Variants in CRLF3 observed in about 807,000 individuals in gnomAD.
CRLF3 encodes cytokine receptor-like factor 3.
In CRLF3, 33 loss-of-function variants were observed where a neutral mutation model predicts 55.0. That is an observed-to-expected ratio of 0.60 (90% CI 0.46 to 0.80). The LOEUF (loss-of-function observed/expected upper bound fraction) is 0.80. CRLF3 is among the 30% of genes least tolerant of loss of function. The pLI, the probability that CRLF3 is intolerant of heterozygous loss-of-function variation, is 0.00. For missense variants in CRLF3, 494 were observed against 538.4 expected (o/e 0.92, Z 0.82); for synonymous variants, 238 against 196.8 (o/e 1.21, Z -1.75).
chr17:30,821,462 C>T (rs1429328023), intron 1 of CRLF3, among the ~76,000 whole-genome samples: 1 of 152,122 alleles, frequency 6.6e-6, no homozygotes, highest in Non-Finnish European at 1.5e-5. Context: ...AAAACATGTC[C>T]ACACAAAAAG....
intron 6 of CRLF3, chr17:30,787,429 T>C (rs1971673451): frequency 6.6e-6 from 1 of 152,168 alleles, no homozygotes; most frequent in South Asian, 2.1e-4. Context: ...CTTTTGTGTT[T>C]TCATTTCAGA....
At chr17:30,791,624 TCTC>T (rs1278949440) in intron 6 of CRLF3, among the ~76,000 whole-genome samples, 3 of 149,430 alleles carry the variant, frequency 2.0e-5, no homozygotes, top group Non-Finnish European at 1.5e-5. Context: ...TTCACGCCAT[TCTC>T]CTGCCTCAGC....
intron 1 of CRLF3, among the ~76,000 whole-genome samples, chr17:30,812,516 C>G (rs571699849): frequency 1.3e-5 from 2 of 152,244 alleles, no homozygotes; most frequent in African/African-American, 4.8e-5. Context: ...CTCCTTGTTT[C>G]TCTTACACTT....
At chr17:30,819,095 G>A (rs995136693) in intron 1 of CRLF3, among the ~76,000 whole-genome samples, 1 of 152,228 alleles carries the variant, frequency 6.6e-6, no homozygotes, top group Non-Finnish European at 1.5e-5. Context: ...GGGATTACAG[G>A]CGTGAGCCAC....
chr17:30,811,803 CAA>C (rs915710879), intron 1 of CRLF3, among the ~76,000 whole-genome samples: 10 of 27,748 alleles, frequency 3.6e-4, no homozygotes, highest in African/African-American at 7.7e-4. Context: ...GACTCTGTCT[CAA>C]AAAAAAAAAA....
chr17:30,821,164 C>T (rs1032259647), intron 1 of CRLF3, among the ~76,000 whole-genome samples: 4 of 151,498 alleles, frequency 2.6e-5, no homozygotes, highest in African/African-American at 4.8e-5. Flanking sequence ...CATGGCAAAA[C>T]CCCATCTCTA....
chr17:30,793,988 A>G (rs929536346), intron 4 of CRLF3, among the ~76,000 whole-genome samples: 1 of 151,932 alleles, frequency 6.6e-6, no homozygotes, highest in Non-Finnish European at 1.5e-5. Context: ...TCAGGTGCAC[A>G]CCACCATGTC....
intron 5 of CRLF3, chr17:30,792,852 A>G: frequency 1.5e-5 from 1 of 68,652 alleles, no homozygotes. Flanking sequence ...ACTTATTCCA[A>G]CCTGATAAAA....
intron 1 of CRLF3, among the ~76,000 whole-genome samples, chr17:30,808,133 C>G (rs1552275): frequency 6.2e-4 from 94 of 152,120 alleles, no homozygotes; most frequent in African/African-American, 2.2e-3. Flanking sequence ...AAAGAACTTT[C>G]TAAAAGAACC....
chr17:30,805,101 T>C (rs185914678), intron 1 of CRLF3, among the ~76,000 whole-genome samples: 17 of 152,152 alleles, frequency 1.1e-4, no homozygotes, highest in Non-Finnish European at 2.4e-4. Context: ...GAGAATTGCT[T>C]GAACCTGGGA....
rs555978442 is a variant in CRLF3, at chr17:30,792,338, T to C, written c.959+102A>G. 2.7e-6 allele frequency: 3 copies of C among 1,120,766 alleles called. No homozygotes were observed. In the African/African-American group the frequency reaches 4.6e-5, roughly 17 times the overall value. The allele number at this position is 1,120,766 out of a possible 1,614,324, so 69.4% of individuals were successfully genotyped here. A position where few individuals can be genotyped will look rare whatever the true frequency, so the allele number is the denominator to read the frequency against. ...TTCCCACAGTAACACTGCCTATAAA[T>C]GACGGAATAAACTCAGGATGTTTTG... On this transcript the variant is annotated intron_variant, in intron 6 of 7. Transcript: ENST00000324238.
chr17:30,805,140 G>A (rs9915566), intron 1 of CRLF3, among the ~76,000 whole-genome samples: 19,319 of 151,994 alleles, frequency 0.13, 1,287 homozygotes, highest in South Asian at 0.25. Flanking sequence ...CCAAGATTGC[G>A]CCACTGCACT....
intron 5 of CRLF3, 60 bp downstream of exon 5, chr17:30,793,390 C>T (rs1261434381): frequency 1.5e-6 from 2 of 1,317,844 alleles, no homozygotes; most frequent in Non-Finnish European, 2.2e-6. Context: ...GCCCTTAGCA[C>T]AGAATACAGG....
intron 2 of CRLF3, chr17:30,801,303 T>C (rs1274705092): frequency 1.3e-5 from 2 of 151,096 alleles, no homozygotes; most frequent in African/African-American, 4.9e-5. Context: ...TCTAATAACT[T>C]TTTTTTTGAG....
chr17:30,793,235 T>TA (rs1174152871), intron 5 of CRLF3, among the ~76,000 whole-genome samples: 4 of 144,100 alleles, frequency 2.8e-5, no homozygotes, highest in African/African-American at 1.1e-4. Flanking sequence ...TCAATGAGGC[T>TA]AAAAATCTTG....
chr17:30,811,042 T>C (rs1393649934), intron 1 of CRLF3, among the ~76,000 whole-genome samples: 2 of 152,142 alleles, frequency 1.3e-5, no homozygotes, highest in African/African-American at 4.8e-5. Flanking sequence ...TGGGTGGTTT[T>C]TGCACCACTG....
chr17:30,788,354 G>GAA (rs1376648044), intron 6 of CRLF3, among the ~76,000 whole-genome samples: 1 of 146,354 alleles, frequency 6.8e-6, no homozygotes, highest in African/African-American at 2.5e-5. Flanking sequence ...GAAAAGAAAA[G>GAA]AAAGAAGGAA....
intron 1 of CRLF3, among the ~76,000 whole-genome samples, chr17:30,813,129 C>T (rs1427351264): frequency 6.6e-6 from 1 of 152,096 alleles, no homozygotes; most frequent in Non-Finnish European, 1.5e-5. Context: ...AGTTTTATTA[C>T]GTAGCAGTAA....
At chr17:30,797,187 G>T in intron 3 of CRLF3, 124 bp downstream of exon 3, 1 of 747,848 alleles carries the variant, frequency 1.3e-6, no homozygotes. Flanking sequence ...CACCACGCAT[G>T]GTCTGAAAAC....
Sources: gnomAD v4.1 joint callset for allele counts (sites outside exome capture counted in the v4.1 genomes callset) on GRCh38, gnomAD v4.1.1 for gene constraint, MANE v1.5 for transcripts, NCBI Gene and HGNC (gene_info 2026-07-23, HGNC 2026-07-21) for gene names.